Variants in CNTN4 observed in about 807,000 individuals in gnomAD.
CNTN4 encodes the protein contactin-4.
Under a neutral mutation model 122.5 loss-of-function variants are expected in CNTN4, and 77 were observed. The observed-to-expected ratio is 0.63, with a 90% CI of 0.52 to 0.76. The LOEUF is 0.76. Ranked by LOEUF, CNTN4 falls within the 30% of genes least tolerant of loss-of-function variation. The pLI is 0.00. For missense variants in CNTN4, 1,256 were observed against 1,259.1 expected, an observed-to-expected ratio of 1.00 and a Z score of 0.04; for synonymous variants, 512 against 447.0, an observed-to-expected ratio of 1.15 and a Z score of -1.83.
intron 4 of CNTN4, among the ~76,000 whole-genome samples, chr3:2,627,581 C>A (rs1449166698): frequency 2.6e-4 from 39 of 151,328 alleles, no homozygotes; most frequent in African/African-American, 7.5e-4. Flanking sequence ...GCAAGCTCCG[C>A]CTCCTGGGTT....
intron 4 of CNTN4, among the ~76,000 whole-genome samples, chr3:2,622,752 A>G (rs2149946863): frequency 6.6e-6 from 1 of 152,342 alleles, no homozygotes. Context: ...ATGTGTGTTA[A>G]TATATCCATT....
At chr3:2,941,384 C>T (rs1453422559) in intron 13 of CNTN4, among the ~76,000 whole-genome samples, 1 of 152,112 alleles carries the variant, frequency 6.6e-6, no homozygotes, top group Non-Finnish European at 1.5e-5. Context: ...ACAGGATTCT[C>T]CCCTGAGCAA....
At chr3:2,994,670 C>A (rs554485044) in intron 14 of CNTN4, among the ~76,000 whole-genome samples, 1 of 151,198 alleles carries the variant, frequency 6.6e-6, no homozygotes, top group Non-Finnish European at 1.5e-5. Flanking sequence ...ATTACTATTG[C>A]GCACTATATA....
intron 13 of CNTN4, among the ~76,000 whole-genome samples, chr3:2,948,631 T>C (rs546221912): frequency 1.3e-5 from 2 of 152,210 alleles, no homozygotes; most frequent in South Asian, 4.1e-4. Context: ...TATTTGTTTA[T>C]TTCTGGCAGG....
At chr3:2,930,337 G>A (rs1334795888) in intron 13 of CNTN4, among the ~76,000 whole-genome samples, 2 of 152,146 alleles carry the variant, frequency 1.3e-5, no homozygotes, top group African/African-American at 4.8e-5. Context: ...ATGACCTTCA[G>A]CGAGTTTGGA....
At chr3:2,748,944 T>G (rs1170058138) in intron 6 of CNTN4, among the ~76,000 whole-genome samples, 1 of 152,206 alleles carries the variant, frequency 6.6e-6, no homozygotes, top group Non-Finnish European at 1.5e-5. Flanking sequence ...CTTGATACTT[T>G]TGTTCCCTCT....
chr3:2,839,060 G>A (rs1213510474), intron 7 of CNTN4, among the ~76,000 whole-genome samples: 2 of 152,022 alleles, frequency 1.3e-5, no homozygotes, highest in Non-Finnish European at 2.9e-5. Flanking sequence ...CTTGGTGACA[G>A]CCTGTAACCA....
intron 4 of CNTN4, among the ~76,000 whole-genome samples, chr3:2,726,705 G>T (rs185483115): frequency 4.6e-5 from 7 of 152,162 alleles, no homozygotes; most frequent in Admixed American, 2.6e-4. Flanking sequence ...GCAGTGGAGC[G>T]CTGGGTTGTT....
At chr3:2,356,764 T>C (rs749383800) in intron 3 of CNTN4, among the ~76,000 whole-genome samples, 9 of 152,214 alleles carry the variant, frequency 5.9e-5, no homozygotes, top group Admixed American at 1.3e-4. Context: ...ACACAGTTGC[T>C]GTCTTTTTTC....
intron 3 of CNTN4, among the ~76,000 whole-genome samples, chr3:2,477,063 CT>C (rs1324224680): frequency 6.6e-6 from 1 of 152,046 alleles, no homozygotes; most frequent in Non-Finnish European, 1.5e-5. Flanking sequence ...TTTTGACAGC[CT>C]AAAAAGCTGG....
rs372126830 is a variant in CNTN4, at chr3:2,106,976, C to T, written c.-145+6337C>T. 4.6e-5 allele frequency among the ~76,000 whole-genome samples: 7 copies of T among 152,178 alleles called. No homozygotes were observed. In the East Asian group the frequency reaches 5.8e-4, roughly 13 times the overall value. On this transcript the variant is annotated intron_variant, in intron 2 of 24. Coordinates refer to ENST00000418658, the MANE Select transcript of CNTN4 (RefSeq NM_175607.3). Reference sequence around the variant, plus strand: ...CAAGAGTGACCTTTGCTTCAGTTCTCGATAAGTTCCTCATCTCCATCTGAC... The same window carrying T: ...CAAGAGTGACCTTTGCTTCAGTTCTTGATAAGTTCCTCATCTCCATCTGAC...
intron 4 of CNTN4, among the ~76,000 whole-genome samples, chr3:2,572,955 ATT>A (rs2079491380): frequency 1.3e-5 from 2 of 152,160 alleles, no homozygotes; most frequent in African/African-American, 4.8e-5. Context: ...CCTTTATCCA[ATT>A]TCTTTCTTCC....
chr3:2,881,726 C>G (rs2093912579), intron 8 of CNTN4, among the ~76,000 whole-genome samples: 2 of 50,816 alleles, frequency 3.9e-5, no homozygotes, highest in Admixed American at 4.4e-4. Context: ...GTGATTGCAC[C>G]TGTCCCCCAT....
chr3:2,360,738 A>G (rs377388860), intron 3 of CNTN4, among the ~76,000 whole-genome samples: 1 of 152,028 alleles, frequency 6.6e-6, no homozygotes, highest in Non-Finnish European at 1.5e-5. Context: ...TCTCGTGAGA[A>G]CTCTCTCACT....
At chr3:3,003,750 GTTTA>G (rs1158623255) in intron 14 of CNTN4, among the ~76,000 whole-genome samples, 1 of 137,710 alleles carries the variant, frequency 7.3e-6, no homozygotes, top group Non-Finnish European at 1.6e-5. Context: ...CTTCTTAAAT[GTTTA>G]TTTATTTATT....
intron 4 of CNTN4, among the ~76,000 whole-genome samples, chr3:2,703,411 A>G (rs2086469189): frequency 6.6e-6 from 1 of 152,214 alleles, no homozygotes; most frequent in Admixed American, 6.5e-5. Context: ...CCATTAGCTC[A>G]TTTGATTTTT....
intron 2 of CNTN4, among the ~76,000 whole-genome samples, chr3:2,115,617 C>T (rs1238167405): frequency 6.6e-6 from 1 of 152,230 alleles, no homozygotes; most frequent in Non-Finnish European, 1.5e-5. Context: ...GTACTCTTAT[C>T]TCAGTATTCT....
intron 4 of CNTN4, among the ~76,000 whole-genome samples, chr3:2,631,885 A>AAAAAAAT (rs1559327660): frequency 1.4e-5 from 2 of 142,460 alleles, no homozygotes; most frequent in African/African-American, 6.0e-5. Context: ...AAAACAAAAA[A>AAAAAAAT]AAACAACAAC....
chr3:2,358,557 A>G (rs1476488889), intron 3 of CNTN4, among the ~76,000 whole-genome samples: 1 of 151,980 alleles, frequency 6.6e-6, no homozygotes, highest in East Asian at 1.9e-4. Flanking sequence ...TGAGGGAGAA[A>G]TAAGGAGGAC....
Sources: gnomAD v4.1 joint callset for allele counts (sites outside exome capture counted in the v4.1 genomes callset) on GRCh38, gnomAD v4.1.1 for gene constraint, MANE v1.5 for transcripts, NCBI Gene and HGNC (gene_info 2026-07-23, HGNC 2026-07-21) for gene names.